The following NKAIN2 variants were observed in gnomAD, a reference collection of about 807,000 sequenced individuals.
NKAIN2 encodes the protein sodium/potassium transporting ATPase interacting 2, also known as sodium/potassium-transporting ATPase subunit beta-1-interacting protein 2.
A neutral mutation model predicts 32.6 loss-of-function variants in NKAIN2; 14 were observed. The ratio of observed to expected loss-of-function variants is 0.43; its 90% CI spans 0.28 to 0.67. The LOEUF is 0.67. Ranked by LOEUF, NKAIN2 falls within the 30% of genes least tolerant of loss-of-function variation. The pLI is 0.17. For missense variants in NKAIN2, 198 were observed against 258.3 expected (o/e 0.77, Z 1.60); for synonymous variants, 80 against 87.2 (o/e 0.92, Z 0.46).
rs965289943 is a variant in NKAIN2 at position 124,121,840 on chromosome 6, C to A, written c.55-161165C>A. Reference sequence around the variant, plus strand: ...GGGTTGCCTTTAAATGGGTCACCCTCTAATCATGCCTTATTTGTCCCTCTG... The same window carrying A: ...GGGTTGCCTTTAAATGGGTCACCCTATAATCATGCCTTATTTGTCCCTCTG... On this transcript the variant is annotated intron_variant, in intron 1 of 6. Transcript: ENST00000368417. The A allele has an allele frequency of 3.4e-5, 29 of 853,108 alleles. No individual in the cohort carries two copies. The African/African-American group carries it at 4.3e-4, about 13-fold the overall frequency. The allele number at this position is 853,108 out of a possible 1,614,324, so 52.8% of individuals were successfully genotyped here. A position where few individuals can be genotyped will look rare whatever the true frequency, so the allele number is the denominator to read the frequency against.
chr6:124,314,548 G>C (rs1413860173), intron 2 of NKAIN2, among the ~76,000 whole-genome samples: 2 of 152,094 alleles, frequency 1.3e-5, no homozygotes, highest in East Asian at 3.9e-4. Context: ...AATAAAGCCT[G>C]GGCTCCTCCT....
At chr6:124,251,209 A>G (rs1793678572) in intron 1 of NKAIN2, among the ~76,000 whole-genome samples, 1 of 152,048 alleles carries the variant, frequency 6.6e-6, no homozygotes, top group Admixed American at 6.6e-5. Context: ...CAGTTAAAAG[A>G]AAAAGATTTT....
intron 4 of NKAIN2, among the ~76,000 whole-genome samples, chr6:124,737,288 C>A (rs1444252877): frequency 6.6e-5 from 10 of 151,782 alleles, no homozygotes; most frequent in Non-Finnish European, 2.9e-5. Context: ...TGTGATAAGT[C>A]AATGAGTTCT....
chr6:124,741,245 T>C (rs1200024245), intron 4 of NKAIN2, among the ~76,000 whole-genome samples: 1 of 151,650 alleles, frequency 6.6e-6, no homozygotes, highest in Non-Finnish European at 1.5e-5. Context: ...AGTGGATATA[T>C]TGATCTGAGT....
At chr6:124,011,399 C>CT (rs78219806) in intron 1 of NKAIN2, among the ~76,000 whole-genome samples, 163 of 141,562 alleles carry the variant, frequency 1.2e-3, no homozygotes, top group Middle Eastern at 3.8e-3. Context: ...AATTCCTGTT[C>CT]TTTTTTTTTT....
intron 1 of NKAIN2, among the ~76,000 whole-genome samples, chr6:124,096,429 C>T (rs1562355400): frequency 6.6e-6 from 1 of 152,186 alleles, no homozygotes; most frequent in Non-Finnish European, 1.5e-5. Context: ...TTATGGGATT[C>T]TCACTCTTTA....
intron 1 of NKAIN2, among the ~76,000 whole-genome samples, chr6:124,191,209 A>G (rs1322679910): frequency 6.6e-6 from 1 of 152,214 alleles, no homozygotes; most frequent in Non-Finnish European, 1.5e-5. Context: ...TGCACAAAAT[A>G]TATAGATCCA....
intron 3 of NKAIN2, among the ~76,000 whole-genome samples, chr6:124,633,694 G>A (rs1267389551): frequency 1.3e-5 from 2 of 152,168 alleles, no homozygotes; most frequent in Non-Finnish European, 2.9e-5. Context: ...GTATCAAAAT[G>A]AGATCAGGTT....
At chr6:124,387,093 G>C (rs941640714) in intron 3 of NKAIN2, among the ~76,000 whole-genome samples, 1 of 152,058 alleles carries the variant, frequency 6.6e-6, no homozygotes, top group African/African-American at 2.4e-5. Flanking sequence ...TCCATGCATA[G>C]TGTTTTGAAA....
At chr6:124,234,541 T>A (rs1019977294) in intron 1 of NKAIN2, among the ~76,000 whole-genome samples, 2 of 152,150 alleles carry the variant, frequency 1.3e-5, no homozygotes, top group Non-Finnish European at 2.9e-5. Context: ...CTCTTCCTAT[T>A]TAGCCAATTG....
chr6:124,077,178 G>A (rs975052436), intron 1 of NKAIN2, among the ~76,000 whole-genome samples: 2 of 152,170 alleles, frequency 1.3e-5, no homozygotes, highest in African/African-American at 4.8e-5. Context: ...GCACAATCAG[G>A]AGCCTCCTGT....
chr6:124,349,944 A>G (rs1019681416), intron 2 of NKAIN2, among the ~76,000 whole-genome samples: 2 of 152,208 alleles, frequency 1.3e-5, no homozygotes, highest in African/African-American at 4.8e-5. Context: ...TTCAGAAATC[A>G]ATTCTTAAAA....
At chr6:124,695,517 G>A (rs1774457071) in intron 4 of NKAIN2, among the ~76,000 whole-genome samples, 1 of 152,174 alleles carries the variant, frequency 6.6e-6, no homozygotes, top group Admixed American at 6.5e-5. Context: ...ATATTGTTCT[G>A]TGCATTCACA....
At chr6:124,516,612 C>A (rs1778925467) in intron 3 of NKAIN2, among the ~76,000 whole-genome samples, 1 of 152,144 alleles carries the variant, frequency 6.6e-6, no homozygotes, top group Admixed American at 6.6e-5. Context: ...ATTTGCCTCT[C>A]ACTAAACACA....
At chr6:124,483,422 A>T (rs1303230133) in intron 3 of NKAIN2, among the ~76,000 whole-genome samples, 2 of 152,190 alleles carry the variant, frequency 1.3e-5, no homozygotes, top group Non-Finnish European at 2.9e-5. Flanking sequence ...TAGAAAAATA[A>T]TGAAAAAGTA....
intron 3 of NKAIN2, among the ~76,000 whole-genome samples, chr6:124,428,206 C>T (rs1384750220): frequency 1.3e-5 from 2 of 151,996 alleles, no homozygotes; most frequent in Non-Finnish European, 2.9e-5. Context: ...TCACTCCTTC[C>T]ATCTCCTAAG....
chr6:124,664,199 C>T (rs757459389), intron 4 of NKAIN2, among the ~76,000 whole-genome samples: 4 of 151,352 alleles, frequency 2.6e-5, no homozygotes, highest in South Asian at 2.1e-4. Flanking sequence ...TGCCTGGACC[C>T]GGGAGGCGGA....
At chr6:124,026,948 G>A (rs1335277489) in intron 1 of NKAIN2, among the ~76,000 whole-genome samples, 1 of 151,998 alleles carries the variant, frequency 6.6e-6, no homozygotes, top group Non-Finnish European at 1.5e-5. Flanking sequence ...AGAAGCTCAG[G>A]TTGTATGGAG....
intron 3 of NKAIN2, among the ~76,000 whole-genome samples, chr6:124,430,809 T>A (rs1446795072): frequency 6.6e-6 from 1 of 152,162 alleles, no homozygotes; most frequent in Non-Finnish European, 1.5e-5. Context: ...CACCTCTCAA[T>A]GGGTGGACCT....
Sources: gnomAD v4.1 joint callset for allele counts (sites outside exome capture counted in the v4.1 genomes callset) on GRCh38, gnomAD v4.1.1 for gene constraint, MANE v1.5 for transcripts, NCBI Gene and HGNC (gene_info 2026-07-23, HGNC 2026-07-21) for gene names.